The following PARD3B variants were observed in gnomAD, a reference collection of about 807,000 sequenced individuals.
PARD3B encodes par-3 family cell polarity regulator beta.
A neutral mutation model predicts 130.2 loss-of-function variants in PARD3B; 103 were observed. The ratio of observed to expected loss-of-function variants is 0.79; its 90% CI spans 0.67 to 0.93. PARD3B has a LOEUF of 0.93. Among genes scored for constraint, PARD3B ranks in the 40% least tolerant of loss-of-function variants. The probability of loss-of-function intolerance (pLI) is 0.00; values close to 1 mark genes in which losing one functional copy is unlikely to be tolerated. For synonymous variants in PARD3B, 583 were observed against 553.2 expected (o/e 1.05, Z -0.76); for missense variants, 1,609 against 1,499.2 (o/e 1.07, Z -1.21).
chr2:205,084,392 A>G (rs570299867), intron 4 of PARD3B, among the ~76,000 whole-genome samples: 1 of 152,174 alleles, frequency 6.6e-6, no homozygotes, highest in Admixed American at 6.5e-5. Flanking sequence ...AATATTTCAT[A>G]GGTGGTGCTT....
chr2:205,373,674 G>T (rs2044912681), intron 18 of PARD3B, among the ~76,000 whole-genome samples: 1 of 152,148 alleles, frequency 6.6e-6, no homozygotes, highest in Non-Finnish European at 1.5e-5. Flanking sequence ...AGTTATGCTT[G>T]ATACTTTCAT....
chr2:204,586,023 C>T (rs1405294691), intron 1 of PARD3B, among the ~76,000 whole-genome samples: 1 of 152,108 alleles, frequency 6.6e-6, no homozygotes, highest in African/African-American at 2.4e-5. Context: ...TTTGTTCTGC[C>T]TGATGGGCCA....
chr2:205,529,574 G>A (rs1017135319), intron 21 of PARD3B, among the ~76,000 whole-genome samples: 1 of 151,856 alleles, frequency 6.6e-6, no homozygotes, highest in Non-Finnish European at 1.5e-5. Flanking sequence ...TTTGGGAATT[G>A]AGACTCTACA....
chr2:205,485,498 A>T (rs2049403155), intron 20 of PARD3B, among the ~76,000 whole-genome samples: 1 of 152,200 alleles, frequency 6.6e-6, no homozygotes. Context: ...ATCAAATCTA[A>T]GTACAAGAAA....
intron 4 of PARD3B, chr2:205,103,643 C>T (rs921576579): frequency 1.1e-6 from 1 of 902,520 alleles, no homozygotes; most frequent in African/African-American, 1.8e-5. Context: ...TGTGACTCCA[C>T]TTATGAAGAG....
chr2:204,858,816 TATAAC>T (rs2045064837), intron 2 of PARD3B, among the ~76,000 whole-genome samples: 1 of 148,652 alleles, frequency 6.7e-6, no homozygotes, highest in South Asian at 2.1e-4. Context: ...ACATATATAA[TATAAC>T]ATGTTATATA....
chr2:205,407,679 C>A lies in PARD3B; in HGVS notation c.2741+6556C>A, dbSNP rs774465560. On this transcript the variant is annotated intron_variant, in intron 19 of 22. Transcript: ENST00000406610. The surrounding 1 kb of genome is among the most constrained non-coding windows in gnomAD (Gnocchi z 4.1). ...GTTAAAAGAAAAATATGTCCCCCTC[C>A]TCATCATTAATTTAGTATTACTATC... Among the ~76,000 whole-genome samples, 2 of 152,114 alleles carry A rather than the reference C, an allele frequency of 1.3e-5. No homozygotes were observed. Among genetic ancestry groups the A allele is most frequent in the Non-Finnish European group, 2.9e-5 (2 of 68,022 alleles).
At chr2:204,581,808 T>A (rs2032572259) in intron 1 of PARD3B, among the ~76,000 whole-genome samples, 1 of 152,212 alleles carries the variant, frequency 6.6e-6, no homozygotes, top group African/African-American at 2.4e-5. Flanking sequence ...CCAGGTGGGA[T>A]GATTGCATCC....
At chr2:204,936,561 T>C (rs1468187401) in intron 2 of PARD3B, among the ~76,000 whole-genome samples, 1 of 152,190 alleles carries the variant, frequency 6.6e-6, no homozygotes, top group Non-Finnish European at 1.5e-5. Flanking sequence ...AAAAATAATA[T>C]TATTGTCCTA....
chr2:204,735,119 G>A (rs1002226851), intron 2 of PARD3B, among the ~76,000 whole-genome samples: 2 of 151,274 alleles, frequency 1.3e-5, no homozygotes, highest in Admixed American at 1.3e-4. Flanking sequence ...ACAACCACTT[G>A]AGAAAGTTGT....
At chr2:205,136,749 C>T (rs1163493979) in intron 10 of PARD3B, among the ~76,000 whole-genome samples, 1 of 152,188 alleles carries the variant, frequency 6.6e-6, no homozygotes. Flanking sequence ...CCATGATTTA[C>T]TTTCACTCCA....
intron 3 of PARD3B, among the ~76,000 whole-genome samples, chr2:205,022,972 A>G (rs1374864472): frequency 1.3e-5 from 2 of 152,178 alleles, no homozygotes; most frequent in East Asian, 1.9e-4. Context: ...TGTGAACTGG[A>G]GCTGAACTTG....
chr2:204,814,376 T>A (rs1288248214), intron 2 of PARD3B, among the ~76,000 whole-genome samples: 1 of 151,742 alleles, frequency 6.6e-6, no homozygotes, highest in Non-Finnish European at 1.5e-5. Flanking sequence ...ATATATAAAA[T>A]ATAGATGATA....
intron 21 of PARD3B, among the ~76,000 whole-genome samples, chr2:205,545,246 C>T (rs1387878830): frequency 6.6e-6 from 1 of 152,214 alleles, no homozygotes; most frequent in African/African-American, 2.4e-5. Flanking sequence ...CCTTAGTTCC[C>T]CTAGAAACAT....
At chr2:205,036,472 G>A (rs950345437) in intron 3 of PARD3B, among the ~76,000 whole-genome samples, 20 of 145,518 alleles carry the variant, frequency 1.4e-4, no homozygotes, top group South Asian at 4.3e-4. Context: ...TGTATATAGC[G>A]GACTATATAT....
At chr2:204,854,971 C>T (rs911435727) in intron 2 of PARD3B, among the ~76,000 whole-genome samples, 17 of 152,132 alleles carry the variant, frequency 1.1e-4, no homozygotes, top group Admixed American at 3.9e-4. Context: ...GCGGTGGATG[C>T]GCTGAATTTT....
rs1319551077 is a variant in PARD3B at position 205,503,577 on chromosome 2, C to T, written c.3180+3546C>T. Among the ~76,000 whole-genome samples the T allele has an allele frequency of 2.0e-5, 3 of 152,076 alleles. No individual in the cohort carries two copies. In the East Asian group the frequency reaches 5.8e-4, roughly 29 times the overall value. ...ACCATGCTGTTTTGGTTACTGTAGC[C>T]TTGTAGTATAGTTTGAAGTCAGGTA... On this transcript the variant is annotated intron_variant, in intron 21 of 22. Transcript: ENST00000406610.
chr2:205,226,712 A>G (rs2038570929), intron 15 of PARD3B, among the ~76,000 whole-genome samples: 1 of 152,166 alleles, frequency 6.6e-6, no homozygotes, highest in African/African-American at 2.4e-5. Flanking sequence ...TGTCCCATTA[A>G]TCTATGACTC....
rs1387502449 is a variant in PARD3B, at chr2:205,054,440, T to G, written c.504+6750T>G. ...TATATATATATATATATATATATTTTTTTTTTTTTTTTTTTTTAATTATAC... is the reference window on the plus strand; with the variant it reads ...TATATATATATATATATATATATTTGTTTTTTTTTTTTTTTTTAATTATAC... On this transcript the variant is annotated intron_variant, in intron 4 of 22. Transcript: ENST00000406610. Among the ~76,000 whole-genome samples the G allele has an allele frequency of 3.8e-3, 162 of 42,984 alleles. 1 individual carries two copies. Among genetic ancestry groups the G allele is most frequent in the South Asian group, 0.014 (13 of 922 alleles). The allele number at this position is 42,984 out of a possible 152,430, so 28.2% of individuals were successfully genotyped here.
Sources: allele counts gnomAD v4.1 joint callset (sites outside exome capture counted in the v4.1 genomes callset), GRCh38; gene constraint gnomAD v4.1.1; non-coding constraint Gnocchi (gnomAD v3.1); transcripts MANE v1.5; gene names NCBI Gene and HGNC (gene_info 2026-07-23, HGNC 2026-07-21).